Variants in PDE11A observed in about 807,000 individuals in gnomAD.
PDE11A encodes dual 3',5'-cyclic-AMP and -GMP phosphodiesterase 11A.
A neutral mutation model predicts 100.5 loss-of-function variants in PDE11A; 100 were observed. The observed-to-expected ratio is 1.00, with a 90% CI of 0.85 to 1.18. The LOEUF (loss-of-function observed/expected upper bound fraction) is 1.18. Among genes scored for constraint, PDE11A ranks in the 50% most tolerant of loss-of-function variants. PDE11A has a pLI of 0.00. For missense variants in PDE11A, 1,141 were observed against 1,152.6 expected (o/e 0.99, Z 0.15); for synonymous variants, 381 against 420.8 (o/e 0.91, Z 1.16).
At chr2:178,055,822 G>T (rs1426914551) in intron 1 of PDE11A, among the ~76,000 whole-genome samples, 1 of 152,008 alleles carries the variant, frequency 6.6e-6, no homozygotes, top group Non-Finnish European at 1.5e-5. Context: ...TTATTATTTA[G>T]CTTTGTACAC....
rs528065345 is a variant in PDE11A at position 178,002,303 on chromosome 2, T to C, written c.1071+11999A>G. ...TGGTGTCTATGTATCACATTTTCTTTATCTAATCCACTGTTCATGGGCATC... is the reference window on the plus strand; with the variant it reads ...TGGTGTCTATGTATCACATTTTCTTCATCTAATCCACTGTTCATGGGCATC... On this transcript the variant is annotated intron_variant, in intron 2 of 19. Coordinates refer to ENST00000286063, the MANE Select transcript of PDE11A (RefSeq NM_016953.4). Among the ~76,000 whole-genome samples, 41 of 152,340 alleles carry C rather than the reference T, an allele frequency of 2.7e-4. No individual in the cohort carries two copies. In the South Asian group the frequency reaches 8.3e-3, roughly 31 times the overall value.
intron 2 of PDE11A, among the ~76,000 whole-genome samples, chr2:178,090,932 T>C (rs181024063): frequency 3.3e-4 from 50 of 152,314 alleles, no homozygotes; most frequent in African/African-American, 1.2e-3. Flanking sequence ...CTCCCCGACT[T>C]ACCAGATGCA....
chr2:177,784,750 G>C (rs2082506915), intron 9 of PDE11A, among the ~76,000 whole-genome samples: 2 of 152,170 alleles, frequency 1.3e-5, no homozygotes, highest in South Asian at 4.1e-4. Context: ...TTTGCCCTGT[G>C]ACATCTTTGG....
intron 6 of PDE11A, among the ~76,000 whole-genome samples, chr2:177,833,568 GACC>G (rs1422148926): frequency 3.9e-5 from 6 of 152,160 alleles, no homozygotes; most frequent in African/African-American, 1.4e-4. Flanking sequence ...GGTCTTGGCA[GACC>G]ACCAGCTCCC....
chr2:177,660,127 CTTT>C (rs2080463249), intron 19 of PDE11A, among the ~76,000 whole-genome samples: 1 of 92,036 alleles, frequency 1.1e-5, no homozygotes, highest in African/African-American at 3.7e-5. Context: ...TTCTTTCTTT[CTTT>C]CATTCCTTCT....
intron 13 of PDE11A, among the ~76,000 whole-genome samples, chr2:177,708,567 C>A (rs920148133): frequency 6.6e-6 from 1 of 152,054 alleles, no homozygotes; most frequent in Non-Finnish European, 1.5e-5. Context: ...ATTTAACAAA[C>A]CCCCGTTACA....
intron 10 of PDE11A, among the ~76,000 whole-genome samples, chr2:177,751,892 C>G (rs1035357742): frequency 4.6e-5 from 7 of 152,166 alleles, no homozygotes; most frequent in African/African-American, 1.7e-4. Context: ...GACACAACCC[C>G]TTGAGGTGAT....
At chr2:177,849,628 T>C (rs1213111548) in intron 5 of PDE11A, among the ~76,000 whole-genome samples, 1 of 151,310 alleles carries the variant, frequency 6.6e-6, no homozygotes, top group Non-Finnish European at 1.5e-5. Flanking sequence ...TATTTATTTA[T>C]TATTATTATT....
At chr2:178,082,701 C>G (rs1478076625) in intron 2 of PDE11A, among the ~76,000 whole-genome samples, 1 of 152,318 alleles carries the variant, frequency 6.6e-6, no homozygotes, top group Admixed American at 6.5e-5. Context: ...AAAACAGAAG[C>G]ATTAGCATGA....
intron 19 of PDE11A, among the ~76,000 whole-genome samples, chr2:177,656,028 A>G (rs2080377841): frequency 6.6e-6 from 1 of 152,178 alleles, no homozygotes; most frequent in Non-Finnish European, 1.5e-5. Flanking sequence ...ATGGCTATTA[A>G]CTGGCCCTTT....
intron 3 of PDE11A, chr2:177,899,560 A>G: frequency 3.1e-6 from 1 of 325,932 alleles, no homozygotes. Flanking sequence ...AACTTGAGAC[A>G]TTTTCACTAA....
intron 2 of PDE11A, among the ~76,000 whole-genome samples, chr2:178,096,575 A>G (rs530216451): frequency 6.6e-6 from 1 of 152,224 alleles, no homozygotes; most frequent in African/African-American, 2.4e-5. Context: ...CTTCTACCAG[A>G]TACCCTAAAT....
At chr2:178,011,896 G>A (rs2086278211) in intron 2 of PDE11A, 1 of 152,166 alleles carries the variant, frequency 6.6e-6, no homozygotes, top group Non-Finnish European at 1.5e-5. Context: ...TTTCAACCCA[G>A]ATAGACTCAC....
chr2:177,646,594 T>C (rs79608982), intron 19 of PDE11A, among the ~76,000 whole-genome samples: 4,556 of 152,328 alleles, frequency 0.03, 129 homozygotes, highest in South Asian at 0.073. Flanking sequence ...AGGCTCATGG[T>C]GTCTTTACAT....
At chr2:177,847,368 G>C (rs778231271) in intron 5 of PDE11A, among the ~76,000 whole-genome samples, 7 of 152,130 alleles carry the variant, frequency 4.6e-5, no homozygotes, top group Admixed American at 1.3e-4. Context: ...CAACTTTCTT[G>C]AGTCTAAAAA....
chr2:177,669,255 G>A (rs540864383), intron 18 of PDE11A, among the ~76,000 whole-genome samples: 81 of 152,222 alleles, frequency 5.3e-4, no homozygotes, highest in African/African-American at 1.8e-3. Flanking sequence ...ATCCTCCCTC[G>A]TGCCTACTTG....
intron 7 of PDE11A, among the ~76,000 whole-genome samples, chr2:177,819,805 TC>T (rs1438248444): frequency 2.6e-5 from 4 of 151,912 alleles, no homozygotes; most frequent in Non-Finnish European, 5.9e-5. Context: ...TGAATTTTGT[TC>T]CTGACCTTGC....
chr2:177,762,621 CT>C (rs1234587133), intron 10 of PDE11A, among the ~76,000 whole-genome samples: 1 of 152,168 alleles, frequency 6.6e-6, no homozygotes, highest in African/African-American at 2.4e-5. Flanking sequence ...TTCAGACTTC[CT>C]GCGCCTTCCC....
In PDE11A at chr2:178,031,789, T is replaced by C. The variant is rs560527010; in HGVS notation, c.913-17329A>G. Among the ~76,000 whole-genome samples the C allele has an allele frequency of 4.6e-5, 7 of 152,200 alleles. No homozygotes were observed. The South Asian group carries it at 1.0e-3, about 23-fold the overall frequency. ...AGTTGAAATCCTATCAGAGTGTGCA[T>C]GTGTGTGTATGTGTGAAACTCAACA... On this transcript the variant is annotated intron_variant, in intron 1 of 19. Transcript: ENST00000286063.
Sources: allele counts gnomAD v4.1 joint callset (sites outside exome capture counted in the v4.1 genomes callset), GRCh38; gene constraint gnomAD v4.1.1; transcripts MANE v1.5; gene names NCBI Gene and HGNC (gene_info 2026-07-23, HGNC 2026-07-21).